Variants in DMD observed in about 807,000 individuals in gnomAD.
The protein encoded by DMD is dystrophin, also known as mutant dystrophin.
A neutral mutation model predicts 330.1 loss-of-function variants in DMD; 63 were observed. The ratio of observed to expected loss-of-function variants is 0.19; its 90% CI spans 0.16 to 0.24. The LOEUF is 0.24. Among genes scored for constraint, DMD ranks in the 10% least tolerant of loss-of-function variants. The pLI is 1.00. For synonymous variants in DMD, 1,223 were observed against 959.8 expected (o/e 1.27, Z -5.07); for missense variants, 3,344 against 2,684.1 (o/e 1.25, Z -5.43).
intron 44 of DMD, among the ~76,000 whole-genome samples, chrX:32,154,281 G>A (rs774271054): frequency 2.7e-5 from 3 of 111,937 alleles, no homozygotes; most frequent in Non-Finnish European, 3.8e-5. Context: ...TCCAAGTCCA[G>A]TTACTTGTTC....
intron 1 of DMD, among the ~76,000 whole-genome samples, chrX:33,335,407 T>C (rs1232963434): frequency 1.8e-5 from 2 of 110,725 alleles, no homozygotes; most frequent in Non-Finnish European, 3.8e-5. Flanking sequence ...GAATTATGAC[T>C]GATAATAATG....
chrX:32,883,031 C>G (rs1310825976), intron 2 of DMD, among the ~76,000 whole-genome samples: 2 of 111,918 alleles, frequency 1.8e-5, no homozygotes, highest in Non-Finnish European at 3.8e-5. Context: ...TAAAGATAAT[C>G]CAGCACAGCA....
At chrX:31,218,812 G>T (rs2045676033) in intron 64 of DMD, among the ~76,000 whole-genome samples, 1 of 111,213 alleles carries the variant, frequency 9.0e-6, no homozygotes, top group Non-Finnish European at 1.9e-5. Context: ...TCCTCTGGTT[G>T]AACCCCTTTA....
At chrX:31,320,525 T>C (rs1030014781) in intron 62 of DMD, among the ~76,000 whole-genome samples, 2 of 112,227 alleles carry the variant, frequency 1.8e-5, no homozygotes, top group Non-Finnish European at 3.8e-5. Context: ...TGAAGCACTG[T>C]CACTGTAAAC....
chrX:32,169,931 TG>T, intron 44 of DMD, among the ~76,000 whole-genome samples: 1 of 112,175 alleles, frequency 8.9e-6, no homozygotes. Context: ...AAAAACTCAC[TG>T]TCTTCTCAAT....
At chrX:31,126,059 C>G (rs938755552) in intron 78 of DMD, among the ~76,000 whole-genome samples, 2 of 111,445 alleles carry the variant, frequency 1.8e-5, no homozygotes, top group East Asian at 5.6e-4. Context: ...ATAAGAGTAC[C>G]TACCTCACAG....
intron 33 of DMD, among the ~76,000 whole-genome samples, chrX:32,385,237 C>T (rs944115790): frequency 9.1e-6 from 1 of 110,224 alleles, no homozygotes; most frequent in African/African-American, 3.3e-5. Flanking sequence ...GAATAGAGAG[C>T]CCAATAATAA....
intron 41 of DMD, among the ~76,000 whole-genome samples, chrX:32,312,439 T>C (rs771383729): frequency 1.8e-5 from 2 of 111,428 alleles, no homozygotes; most frequent in African/African-American, 6.5e-5. Context: ...AATATAGTAA[T>C]TGTGGATTAT....
chrX:32,696,495 T>C (rs1254720116), intron 9 of DMD, among the ~76,000 whole-genome samples: 1 of 112,040 alleles, frequency 8.9e-6, no homozygotes, highest in Non-Finnish European at 1.9e-5. Flanking sequence ...TGACATATTA[T>C]GTATTTGGTA....
At chrX:32,964,255 C>CAAAAAAAAAAAAAAAAAAAAAA (rs781702491) in intron 2 of DMD, among the ~76,000 whole-genome samples, 11 of 35,182 alleles carry the variant, frequency 3.1e-4, no homozygotes, top group East Asian at 1.0e-3. Flanking sequence ...GACTCCATCT[C>CAAAAAAAAAAAAAAAAAAAAAA]AAAAAAAAAA....
At chrX:32,618,955 A>G (rs918662762) in intron 11 of DMD, among the ~76,000 whole-genome samples, 1 of 111,563 alleles carries the variant, frequency 9.0e-6, no homozygotes, top group African/African-American at 3.2e-5. Flanking sequence ...AAATCCCACT[A>G]TGAATTATAT....
intron 7 of DMD, among the ~76,000 whole-genome samples, chrX:32,807,141 A>C (rs1319123271): frequency 9.6e-6 from 1 of 104,403 alleles, no homozygotes; most frequent in Non-Finnish European, 2.0e-5. Context: ...AAAAAAAAAA[A>C]AAAAAAAACA....
rs1262235592 is a variant in DMD at position 32,083,887 on chromosome X, C to T, written c.6439-115373G>A. ...TTGTAGGTTTAAATGTTCAGATTGC[C>T]TAGAAAGCTTTGCATATGCAAATAT... On this transcript the variant is annotated intron_variant, in intron 44 of 78. Transcript: ENST00000357033. Among the ~76,000 whole-genome samples, 4 of 112,632 alleles carry T rather than the reference C, an allele frequency of 3.6e-5. No individual in the cohort carries two copies. The Admixed American group carries it at 3.8e-4, about 11-fold the overall frequency.
In DMD at chrX:32,142,348, G is replaced by A. The variant is rs1375683602; in HGVS notation, c.6438+74568C>T. Among the ~76,000 whole-genome samples, 9 of 111,874 alleles carry A rather than the reference G, an allele frequency of 8.0e-5. No homozygotes were observed. The Admixed American group carries it at 8.6e-4, about 11-fold the overall frequency. On this transcript the variant is annotated intron_variant, in intron 44 of 78. Transcript: ENST00000357033. Reference sequence around the variant, plus strand: ...TCCATCCTTCCTCACCAACCTTTACGGCCCTTCCATCCTCTGAGAAAAAGA... The same window carrying A: ...TCCATCCTTCCTCACCAACCTTTACAGCCCTTCCATCCTCTGAGAAAAAGA...
intron 1 of DMD, among the ~76,000 whole-genome samples, chrX:33,105,199 T>C (rs2095274922): frequency 8.9e-6 from 1 of 111,759 alleles, no homozygotes; most frequent in African/African-American, 3.2e-5. Flanking sequence ...ATTCAATAAA[T>C]GGTGCTGGGA....
At chrX:31,438,782 A>C (rs2064727255) in intron 60 of DMD, among the ~76,000 whole-genome samples, 1 of 111,493 alleles carries the variant, frequency 9.0e-6, no homozygotes, top group Admixed American at 9.6e-5. Context: ...AAAACAAAAA[A>C]GAAAGATATG....
intron 54 of DMD, among the ~76,000 whole-genome samples, chrX:31,634,026 G>C (rs750153620): frequency 8.9e-6 from 1 of 112,182 alleles, no homozygotes. Flanking sequence ...TGTACTAAAA[G>C]AAAGAAAGGC....
chrX:31,988,153 A>G (rs890431111), intron 44 of DMD, among the ~76,000 whole-genome samples: 5 of 110,749 alleles, frequency 4.5e-5, no homozygotes, highest in Non-Finnish European at 9.4e-5. Flanking sequence ...GTTTGCACAA[A>G]TATTTAAAAA....
At chrX:31,653,115 G>T (rs984630328) in intron 54 of DMD, among the ~76,000 whole-genome samples, 5 of 111,369 alleles carry the variant, frequency 4.5e-5, no homozygotes, top group Non-Finnish European at 7.6e-5. Flanking sequence ...GGGCTCAATT[G>T]TTTTCTCTTT....
Sources: allele counts gnomAD v4.1 joint callset (sites outside exome capture counted in the v4.1 genomes callset), GRCh38; gene constraint gnomAD v4.1.1; transcripts MANE v1.5; gene names NCBI Gene and HGNC (gene_info 2026-07-23, HGNC 2026-07-21).